WIPI2: variants seen among roughly 807,000 people sequenced by gnomAD.
WIPI2 encodes WD repeat domain, phosphoinositide interacting 2.
In WIPI2, 28 loss-of-function variants were observed where a neutral mutation model predicts 52.3. The ratio of observed to expected loss-of-function variants is 0.54; its 90% CI spans 0.40 to 0.73. The LOEUF (loss-of-function observed/expected upper bound fraction) is 0.73. Ranked by LOEUF, WIPI2 falls within the 30% of genes least tolerant of loss-of-function variation. WIPI2 has a pLI of 0.00. For missense variants in WIPI2, 506 were observed against 602.9 expected, an observed-to-expected ratio of 0.84 and a Z score of 1.68; for synonymous variants, 268 against 245.0, an observed-to-expected ratio of 1.09 and a Z score of -0.88.
intron 2 of WIPI2, among the ~76,000 whole-genome samples, chr7:5,195,854 G>C (rs144601469): frequency 1.7e-3 from 259 of 151,582 alleles, no homozygotes; most frequent in Admixed American, 3.5e-3. Flanking sequence ...GCCTGGCCAA[G>C]ATGGTGAAAC....
chr7:5,214,133 C>A, intron 3 of WIPI2: 2 of 531,660 alleles, frequency 3.8e-6, no homozygotes, highest in Non-Finnish European at 5.8e-6. Flanking sequence ...TAGCGCTCAG[C>A]ACATGAGTCT....
chr7:5,204,209 G>A (rs1325941959), intron 3 of WIPI2, among the ~76,000 whole-genome samples: 2 of 152,140 alleles, frequency 1.3e-5, no homozygotes, highest in East Asian at 3.9e-4. Flanking sequence ...GCTCACGCCT[G>A]TTATCCCAAC....
At position 5,206,590 on chromosome 7, in the gene WIPI2, C is replaced by T. The variant is rs111273239; in HGVS notation, c.211+6932C>T. On this transcript the variant is annotated intron_variant, in intron 3 of 12. Transcript: ENST00000288828. ...TGGTATTACCTTCTCAGCACCTGCA[C>T]GTAAGCAACTGAAGACATCATTTTT... Among the ~76,000 whole-genome samples, 54 of 152,262 alleles carry T rather than the reference C, an allele frequency of 3.5e-4. 1 individual carries two copies. Among genetic ancestry groups the T allele is most frequent in the Middle Eastern group, 3.4e-3 (1 of 294 alleles).
At chr7:5,208,421 G>GT (rs34816133) in intron 3 of WIPI2, among the ~76,000 whole-genome samples, 119,165 of 147,070 alleles carry the variant, frequency 0.81, 48,395 homozygotes, top group Admixed American at 0.85. Context: ...TATTTATGTT[G>GT]TTTTTTTTTT....
chr7:5,221,098 G>C (rs1482742696), intron 7 of WIPI2, among the ~76,000 whole-genome samples: 1 of 151,882 alleles, frequency 6.6e-6, no homozygotes, highest in Admixed American at 6.6e-5. Flanking sequence ...TGAGTAGCTG[G>C]GATTACAGGC....
At chr7:5,204,097 G>A (rs1782177743) in intron 3 of WIPI2, among the ~76,000 whole-genome samples, 1 of 152,206 alleles carries the variant, frequency 6.6e-6, no homozygotes, top group African/African-American at 2.4e-5. Flanking sequence ...TGGGAGGGCT[G>A]AGCCAGGTTT....
At chr7:5,212,788 G>C (rs1782620790) in intron 3 of WIPI2, among the ~76,000 whole-genome samples, 1 of 152,238 alleles carries the variant, frequency 6.6e-6, no homozygotes, top group East Asian at 1.9e-4. Flanking sequence ...AAAGTGCGGG[G>C]ATTACAGGTG....
intron 3 of WIPI2, among the ~76,000 whole-genome samples, chr7:5,207,432 C>T (rs921905696): frequency 6.6e-6 from 1 of 152,058 alleles, no homozygotes; most frequent in Non-Finnish European, 1.5e-5. Context: ...CTTTTGATGA[C>T]GTTTCTTTTG....
At chr7:5,191,422 C>G (rs1353280464) in intron 1 of WIPI2, among the ~76,000 whole-genome samples, 2 of 152,134 alleles carry the variant, frequency 1.3e-5, no homozygotes, top group Non-Finnish European at 2.9e-5. Context: ...GAAACTGAGC[C>G]AAGAGAGGCG....
At chr7:5,219,451 A>G (rs1366185866) in intron 7 of WIPI2, among the ~76,000 whole-genome samples, 1 of 22,310 alleles carries the variant, frequency 4.5e-5, no homozygotes, top group East Asian at 1.9e-3. Flanking sequence ...CCATAAAAAT[A>G]GATTTTTTTT....
intron 3 of WIPI2, among the ~76,000 whole-genome samples, chr7:5,209,947 G>T (rs1251710259): frequency 6.6e-6 from 1 of 151,992 alleles, no homozygotes; most frequent in Non-Finnish European, 1.5e-5. Flanking sequence ...TCGTTGTGCT[G>T]CCCATGCTGG....
chr7:5,228,332 C>T (rs1783546377), intron 11 of WIPI2, 121 bp downstream of exon 11: 8 of 950,330 alleles, frequency 8.4e-6, no homozygotes, highest in Non-Finnish European at 1.2e-5. Flanking sequence ...GATTCCAGCA[C>T]AGCGGCCCAT....
Position 5,193,186 on chromosome 7 carries a change from T to C in WIPI2, c.128+15T>C. The C allele has an allele frequency of 6.2e-7, 1 of 1,612,362 alleles. No individual in the cohort carries two copies. The highest frequency in any genetic ancestry group is 8.5e-7 in the Non-Finnish European group (1 of 1,179,502). On this transcript the variant is annotated intron_variant, in intron 2 of 12. Coordinates refer to ENST00000288828, the MANE Select transcript of WIPI2 (RefSeq NM_015610.4). ...GCTGTTGTCTGGTTAGTTCCAACCC[T>C]GGTTTCTGAAAGTATCACCTTGGAA...
intron 7 of WIPI2, among the ~76,000 whole-genome samples, chr7:5,221,347 G>A (rs1318954633): frequency 6.6e-6 from 1 of 152,130 alleles, no homozygotes; most frequent in Non-Finnish European, 1.5e-5. Context: ...CACCTCAGGA[G>A]ATCTGCCCAC....
intron 3 of WIPI2, among the ~76,000 whole-genome samples, chr7:5,207,676 A>G (rs763267473): frequency 1.1e-4 from 16 of 152,164 alleles, no homozygotes. Flanking sequence ...TAGTTTTGTA[A>G]GAAACCCCCA....
chr7:5,212,233 G>A (rs1328405740), intron 3 of WIPI2, among the ~76,000 whole-genome samples: 2 of 152,074 alleles, frequency 1.3e-5, no homozygotes, highest in South Asian at 2.1e-4. Flanking sequence ...CACGGCACCT[G>A]TCCTCAGACC....
intron 3 of WIPI2, among the ~76,000 whole-genome samples, chr7:5,205,397 G>A (rs1024581077): frequency 1.3e-5 from 2 of 152,202 alleles, no homozygotes; most frequent in Non-Finnish European, 2.9e-5. Context: ...TAAATGTGAT[G>A]AGAGTTATAG....
intron 3 of WIPI2, among the ~76,000 whole-genome samples, chr7:5,209,301 C>T (rs945187262): frequency 6.6e-6 from 1 of 152,114 alleles, no homozygotes; most frequent in Non-Finnish European, 1.5e-5. Flanking sequence ...TTTCTTGCCT[C>T]ACTGCAACGT....
chr7:5,227,230 T>C lies in WIPI2; in HGVS notation c.899T>C (p.Met300Thr), dbSNP rs1257504483. The change falls in exon 10 of 13, where the codon ATG (methionine) becomes ACG (threonine). Residue 300 changes from methionine to threonine, a missense_variant. Around this residue, in one of 4 missense-constraint regions of WIPI2, gnomAD observed 237 missense variants for 346.9 expected, o/e 0.68. Coordinates refer to ENST00000288828, the MANE Select transcript of WIPI2 (RefSeq NM_015610.4). The surrounding 1 kb of genome is among the most constrained non-coding windows in gnomAD (Gnocchi z 8.1). ...ACCGGGTACTTCGGGAAAGTGCTCA[T>C]GGCCTCCACCAGCTACCTGCCTTCC... The part of the protein sequence containing the change: ...TWTGYFGKVL[M>T]ASTSYLPSQV... The C allele has an allele frequency of 1.9e-6, 3 of 1,614,062 alleles. No homozygotes were observed. The highest frequency in any genetic ancestry group is 2.2e-5 in the East Asian group (1 of 44,880).
Sources: gnomAD v4.1 joint callset for allele counts (sites outside exome capture counted in the v4.1 genomes callset) on GRCh38, gnomAD v4.1.1 for gene constraint, gnomAD v4.1.1 regional missense constraint, Gnocchi (gnomAD v3.1) non-coding constraint, MANE v1.5 for transcripts, NCBI Gene and HGNC (gene_info 2026-07-23, HGNC 2026-07-21) for gene names.